EFCAB11: variants seen among roughly 807,000 people sequenced by gnomAD.
EFCAB11 encodes the protein EF-hand calcium binding domain 11.
Under a neutral mutation model 23.0 loss-of-function variants are expected in EFCAB11, and 14 were observed. The ratio of observed to expected loss-of-function variants is 0.61; its 90% CI spans 0.40 to 0.95. The LOEUF (loss-of-function observed/expected upper bound fraction) is 0.95, where lower values mean the gene tolerates loss of function less well. Among genes scored for constraint, EFCAB11 ranks in the 40% least tolerant of loss-of-function variants. The pLI is 0.00. For synonymous variants in EFCAB11, 65 were observed against 66.6 expected, an observed-to-expected ratio of 0.98 and a Z score of 0.11; for missense variants, 198 against 195.8, an observed-to-expected ratio of 1.01 and a Z score of -0.07.
intron 5 of EFCAB11, among the ~76,000 whole-genome samples, chr14:89,883,537 A>G (rs1888663148): frequency 6.6e-6 from 1 of 152,214 alleles, no homozygotes; most frequent in Admixed American, 6.5e-5. Context: ...AATACATTGT[A>G]AATGGCATGT....
At chr14:89,831,132 G>A (rs1293380646) in intron 5 of EFCAB11, 1 of 152,496 alleles carries the variant, frequency 6.6e-6, no homozygotes, top group Non-Finnish European at 1.5e-5. Context: ...TGGAGGTGCT[G>A]AGAGGTGGTC....
chr14:89,855,312 C>T lies in EFCAB11; in HGVS notation c.411-57988G>A, dbSNP rs77819415. Among the ~76,000 whole-genome samples, 589 of 151,768 alleles carry T rather than the reference C, an allele frequency of 3.9e-3. 19 individuals are homozygous for T. Among genetic ancestry groups the T allele is most frequent in the Admixed American group, 0.031 (478 of 15,250 alleles). On this transcript the variant is annotated intron_variant, in intron 5 of 5. Coordinates refer to ENST00000316738, the MANE Select transcript of EFCAB11 (RefSeq NM_145231.4). ...GCAACGTGGCGAAACCCCATCTCTA[C>T]AAAAAATACAAAAATTAGCTGGGCA... is the stretch of plus-strand genomic sequence containing the variant.
At chr14:89,851,828 G>A (rs1370933037) in intron 5 of EFCAB11, among the ~76,000 whole-genome samples, 2 of 152,184 alleles carry the variant, frequency 1.3e-5, no homozygotes, top group Non-Finnish European at 2.9e-5. Flanking sequence ...GTAAAAGGAA[G>A]AGGGATGGCA....
chr14:89,876,547 A>C (rs1393148046), intron 5 of EFCAB11, among the ~76,000 whole-genome samples: 1 of 152,234 alleles, frequency 6.6e-6, no homozygotes, highest in African/African-American at 2.4e-5. Context: ...ATTTGTAGAG[A>C]ATTCTTGATG....
At chr14:89,803,798 T>G (rs1053064899) in intron 5 of EFCAB11, among the ~76,000 whole-genome samples, 1 of 152,248 alleles carries the variant, frequency 6.6e-6, no homozygotes, top group Non-Finnish European at 1.5e-5. Flanking sequence ...CCTTCTCTTC[T>G]GAGGAGCCCG....
At chr14:89,867,419 T>C (rs547828883) in intron 5 of EFCAB11, among the ~76,000 whole-genome samples, 1 of 152,276 alleles carries the variant, frequency 6.6e-6, no homozygotes, top group East Asian at 1.9e-4. Flanking sequence ...TGTGTGGCCT[T>C]TTCCAGAATC....
intron 5 of EFCAB11, among the ~76,000 whole-genome samples, chr14:89,925,695 G>C (rs1478614588): frequency 1.4e-5 from 2 of 144,888 alleles, no homozygotes; most frequent in East Asian, 4.1e-4. Flanking sequence ...ACCCAGGCTG[G>C]AGTGCAATGG....
At chr14:89,936,494 A>C (rs1041740032) in intron 3 of EFCAB11, among the ~76,000 whole-genome samples, 9 of 152,244 alleles carry the variant, frequency 5.9e-5, no homozygotes, top group Admixed American at 3.3e-4. Context: ...ATTACTCCGT[A>C]TGTGTAATCA....
chr14:89,902,154 C>T (rs2140204047), intron 5 of EFCAB11, among the ~76,000 whole-genome samples: 1 of 152,236 alleles, frequency 6.6e-6, no homozygotes, highest in South Asian at 2.1e-4. Context: ...GTTTCTCAGT[C>T]CCTCTAGGCT....
At chr14:89,865,654 A>G (rs554776641) in intron 5 of EFCAB11, among the ~76,000 whole-genome samples, 147 of 151,832 alleles carry the variant, frequency 9.7e-4, no homozygotes, top group African/African-American at 3.4e-3. Flanking sequence ...GGCGCATGCC[A>G]CCATGTCTGG....
At chr14:89,818,090 T>C (rs953874568) in intron 5 of EFCAB11, among the ~76,000 whole-genome samples, 7 of 152,170 alleles carry the variant, frequency 4.6e-5, no homozygotes, top group Non-Finnish European at 7.4e-5. Flanking sequence ...GAAATTGTGA[T>C]AAATATTATA....
intron 5 of EFCAB11, among the ~76,000 whole-genome samples, chr14:89,819,679 C>T (rs981737133): frequency 1.3e-5 from 2 of 152,144 alleles, no homozygotes; most frequent in Non-Finnish European, 2.9e-5. Flanking sequence ...TCAAGCAATC[C>T]TCCTGCCTTG....
intron 2 of EFCAB11, chr14:89,952,692 C>G: frequency 2.4e-6 from 2 of 841,670 alleles, no homozygotes; most frequent in Non-Finnish European, 2.9e-6. Context: ...ACAAATAGGG[C>G]GGAGAGGCAT....
rs1331777962 is a variant in EFCAB11, at chr14:89,954,601, G to C, written c.60C>G (p.His20Gln). ...SRTWEASPSE[H>Q]RKWVEVFKAC... is the part of the protein sequence containing the mutation. ...GGAAACCTACTTCCACCCACTTCCT[G>C]TGTTCCGAGGGACTGGCTTCCCACG... is the stretch of plus-strand genomic sequence containing the variant. The change falls in exon 1 of 6, where the codon CAC (histidine) becomes CAG (glutamine). Residue 20 changes from histidine to glutamine, a missense_variant. Coordinates refer to ENST00000316738, the MANE Select transcript of EFCAB11 (RefSeq NM_145231.4). The C allele has an allele frequency of 1.9e-6, 3 of 1,613,832 alleles. No individual in the cohort carries two copies. Among genetic ancestry groups the C allele is most frequent in the East Asian group, 2.2e-5 (1 of 44,874 alleles).
chr14:89,892,150 G>C, intron 5 of EFCAB11: 1 of 1,563,730 alleles, frequency 6.4e-7, no homozygotes, highest in South Asian at 1.2e-5. Flanking sequence ...GCCCGGACAA[G>C]GTCATCTTCC....
chr14:89,937,727 T>C (rs1359920953), intron 3 of EFCAB11, among the ~76,000 whole-genome samples: 3 of 152,148 alleles, frequency 2.0e-5, no homozygotes, highest in Admixed American at 6.6e-5. Context: ...GGTTTCACCC[T>C]ATTGGCCAGG....
chr14:89,815,886 G>T (rs575087086), intron 5 of EFCAB11, among the ~76,000 whole-genome samples: 1 of 152,198 alleles, frequency 6.6e-6, no homozygotes, highest in African/African-American at 2.4e-5. Flanking sequence ...AAATTAAGAA[G>T]AAAAGAATTT....
intron 5 of EFCAB11, among the ~76,000 whole-genome samples, chr14:89,814,389 T>C (rs1441232608): frequency 1.3e-5 from 2 of 152,050 alleles, no homozygotes; most frequent in Non-Finnish European, 2.9e-5. Context: ...ACGTAGTCAT[T>C]TTTCCTTCAA....
At chr14:89,915,057 G>A (rs867630466) in intron 5 of EFCAB11, among the ~76,000 whole-genome samples, 4 of 151,908 alleles carry the variant, frequency 2.6e-5, no homozygotes, top group South Asian at 2.1e-4. Flanking sequence ...TAATAATAAC[G>A]CAAGTCAATA....
Sources: allele counts gnomAD v4.1 joint callset (sites outside exome capture counted in the v4.1 genomes callset), GRCh38; gene constraint gnomAD v4.1.1; transcripts MANE v1.5; gene names NCBI Gene and HGNC (gene_info 2026-07-23, HGNC 2026-07-21).